Variants in VWA5B1 observed in about 807,000 individuals in gnomAD.
The protein encoded by VWA5B1 is von Willebrand factor A domain containing 5B1, also known as von Willebrand factor A domain-containing protein 5B1.
In VWA5B1, 115 loss-of-function variants were observed where a neutral mutation model predicts 118.2. That is an observed-to-expected ratio of 0.97 (90% confidence interval 0.84 to 1.14). The LOEUF is 1.14. Ranked by LOEUF, VWA5B1 falls within the 50% of genes most tolerant of loss-of-function variation. The pLI is 0.00. For synonymous variants in VWA5B1, 682 were observed against 658.4 expected (o/e 1.04, Z -0.55); for missense variants, 1,596 against 1,603.8 (o/e 1.00, Z 0.08).
At chr1:20,312,381 G>T (rs2088875201) in intron 2 of VWA5B1, among the ~76,000 whole-genome samples, 1 of 152,198 alleles carries the variant, frequency 6.6e-6, no homozygotes, top group Non-Finnish European at 1.5e-5. Flanking sequence ...GGTGCCAGGA[G>T]GCCTAGAGAA....
intron 18 of VWA5B1, 58 bp from the exon 19 acceptor site, chr1:20,350,098 G>A: frequency 6.6e-7 from 1 of 1,505,840 alleles, no homozygotes; most frequent in African/African-American, 1.4e-5. Flanking sequence ...TCTCCTGAGG[G>A]GATGGGAGGC....
chr1:20,353,747 C>CCA lies in VWA5B1; in HGVS notation c.3142-3_3142-2dup. 8 of 1,452,742 alleles carry CCA rather than the reference C, an allele frequency of 5.5e-6. No homozygotes were observed. Among genetic ancestry groups the CCA allele is most frequent in the African/African-American group, 1.4e-5 (1 of 69,842 alleles). The allele number at this position is 1,452,742 out of a possible 1,614,324, so 90.0% of individuals were successfully genotyped here. ...TTTGAGGCCCACTGAAGGGCTTCCCCCACACACAGGTGTCTCTGCAGCTGG... is the reference window on the plus strand; with the variant it reads ...TTTGAGGCCCACTGAAGGGCTTCCCCCACACACACAGGTGTCTCTGCAGCTGG... On this transcript the variant is annotated splice_polypyrimidine_tract_variant and intron_variant, in intron 21 of 21. Transcript: ENST00000289815.
chr1:20,317,832 A>T (rs2089070141), intron 5 of VWA5B1, among the ~76,000 whole-genome samples, 157 bp downstream of exon 5: 1 of 151,936 alleles, frequency 6.6e-6, no homozygotes, highest in Admixed American at 6.6e-5. Context: ...CATGGCCCCA[A>T]CAAGCAGCCC....
intron 1 of VWA5B1, among the ~76,000 whole-genome samples, chr1:20,302,910 G>A (rs1383043575): frequency 1.3e-5 from 2 of 152,172 alleles, no homozygotes; most frequent in African/African-American, 4.8e-5. Context: ...CTGGAGCATG[G>A]GGTAAATGGG....
At chr1:20,316,436 C>T (rs937852038) in intron 4 of VWA5B1, among the ~76,000 whole-genome samples, 5 of 152,068 alleles carry the variant, frequency 3.3e-5, no homozygotes, top group Non-Finnish European at 5.9e-5. Context: ...AGTTTTAAGA[C>T]GTAACACGGT....
At chr1:20,292,653 GCA>G (rs1318847247) in intron 1 of VWA5B1, among the ~76,000 whole-genome samples, 1 of 152,202 alleles carries the variant, frequency 6.6e-6, no homozygotes, top group East Asian at 1.9e-4. Flanking sequence ...GTGTGTGTGT[GCA>G]CACGTGTGCA....
At chr1:20,351,449 C>A in intron 20 of VWA5B1, among the ~76,000 whole-genome samples, 1 of 152,020 alleles carries the variant, frequency 6.6e-6, no homozygotes, top group East Asian at 1.9e-4. Flanking sequence ...GTCAGGAGTT[C>A]GAGACCAGCC....
chr1:20,328,470 G>A (rs2089453343), intron 9 of VWA5B1, among the ~76,000 whole-genome samples: 10 of 152,032 alleles, frequency 6.6e-5, no homozygotes, highest in Admixed American at 6.6e-4. Context: ...GAAACAAGAA[G>A]GCTGTGGCCC....
intron 16 of VWA5B1, among the ~76,000 whole-genome samples, chr1:20,344,925 G>A (rs2100998234): frequency 6.6e-6 from 1 of 152,276 alleles, no homozygotes; most frequent in East Asian, 1.9e-4. Context: ...CAAAGGAAAG[G>A]GATTGGGCTC....
chr1:20,300,400 C>T (rs548400744), intron 1 of VWA5B1, among the ~76,000 whole-genome samples: 1 of 152,238 alleles, frequency 6.6e-6, no homozygotes, highest in African/African-American at 2.4e-5. Flanking sequence ...GGTGCACCTC[C>T]TCTTGTTGTT....
chr1:20,323,828 G>A (rs1280165957), intron 8 of VWA5B1, among the ~76,000 whole-genome samples: 2 of 152,336 alleles, frequency 1.3e-5, no homozygotes, highest in African/African-American at 4.8e-5. Flanking sequence ...ACAGGGAAGA[G>A]GGGAAGGGAA....
At chr1:20,293,619 G>T (rs79346640) in intron 1 of VWA5B1, among the ~76,000 whole-genome samples, 3,805 of 152,324 alleles carry the variant, frequency 0.025, 61 homozygotes, top group Middle Eastern at 0.078. Flanking sequence ...AGGGGCTTGA[G>T]CAAGGCCAAG....
rs904571638 is a variant in VWA5B1 at position 20,330,361 on chromosome 1, G to A, written c.1436G>A (p.Arg479Gln). 31 of 1,551,598 alleles carry A rather than the reference G, an allele frequency of 2.0e-5. No homozygotes were observed. Among genetic ancestry groups the A allele is most frequent in the East Asian group, 1.2e-4 (5 of 40,924 alleles). Residue 479 changes from arginine (R) to glutamine (Q), a missense_variant, in exon 10 of 22, where the codon CGA becomes CAA. By Grantham distance (43) the Arg-to-Gln change is conservative. Coordinates refer to ENST00000289815, the MANE Select transcript of VWA5B1 (RefSeq NM_001039500.3). ...NNTGKVLELV[R>Q]NHAFSTRCYS... Reference sequence around the variant, plus strand: ...ACAGGGAAGGTGCTGGAGCTGGTGCGAAATCACGCCTTCTCCACCAGGTCG... The same window carrying A: ...ACAGGGAAGGTGCTGGAGCTGGTGCAAAATCACGCCTTCTCCACCAGGTCG...
At chr1:20,338,075 G>A (rs1164858016) in intron 14 of VWA5B1, 3 of 671,440 alleles carry the variant, frequency 4.5e-6, no homozygotes, top group Non-Finnish European at 8.2e-6. Flanking sequence ...AGTTGGCAAG[G>A]AACATTTGCA....
rs1570066052 is a variant in VWA5B1, at chr1:20,306,535, T to TAGTG, written c.-26-4038_-26-4037insGAGT. Among the ~76,000 whole-genome samples the TAGTG allele has an allele frequency of 2.0e-5, 3 of 152,308 alleles. No homozygotes were observed. The East Asian group carries it at 5.8e-4, about 29-fold the overall frequency. On this transcript the variant is annotated intron_variant, in intron 1 of 21. Transcript: ENST00000289815. ...TTTATTTACTGGCTGTCTCTTCCAT[T>TAGTG]AGTATCTCTACTCACGCCTGCCTGT...
rs577877210 is a variant in VWA5B1 at position 20,320,827 on chromosome 1, G to T, written c.966+1321G>T. The stretch of plus-strand genomic sequence containing the variant: ...CCTCTGAGAGGCAGATAAGGTTTCT[G>T]GAGGTGGCTTCTCTCACTGGCAGAT... On this transcript the variant is annotated intron_variant, in intron 7 of 21. Coordinates refer to ENST00000289815, the MANE Select transcript of VWA5B1 (RefSeq NM_001039500.3). 1.1e-4 allele frequency among the ~76,000 whole-genome samples: 17 copies of T among 152,316 alleles called. 1 individual carries two copies. The East Asian group carries it at 3.3e-3, about 29-fold the overall frequency.
At chr1:20,335,931 C>T (rs1314453490) in intron 12 of VWA5B1, among the ~76,000 whole-genome samples, 2 of 152,108 alleles carry the variant, frequency 1.3e-5, no homozygotes, top group Non-Finnish European at 2.9e-5. Context: ...GCAGTTAAAG[C>T]TTGTGTTGAT....
chr1:20,325,790 G>T (rs1408328609), intron 8 of VWA5B1, among the ~76,000 whole-genome samples: 1 of 152,166 alleles, frequency 6.6e-6, no homozygotes, highest in African/African-American at 2.4e-5. Flanking sequence ...TTAGAGAAAG[G>T]CACAGAAATT....
At position 20,337,816 on chromosome 1, in the gene VWA5B1, C is replaced by T. The variant is rs553545017; in HGVS notation, c.2113C>T (p.Arg705Trp). ...CAACCAGACCAGCCTGGATGTCCAG[C>T]GGTGGCAGATTGATTTGCAGGTACC... ...LTNQTSLDVQRWQIDLQPLLN... is the reference protein window; with the variant it reads ...LTNQTSLDVQWWQIDLQPLLN... The change falls in exon 14 of 22, where the codon CGG (arginine) becomes TGG (tryptophan). Residue 705 changes from arginine to tryptophan, a missense_variant. Transcript: ENST00000289815. The T allele has an allele frequency of 8.4e-6, 13 of 1,551,728 alleles. No individual in the cohort carries two copies. Among genetic ancestry groups the T allele is most frequent in the African/African-American group, 4.1e-5 (3 of 73,134 alleles).
Sources: allele counts gnomAD v4.1 joint callset (sites outside exome capture counted in the v4.1 genomes callset), GRCh38; gene constraint gnomAD v4.1.1; transcripts MANE v1.5; gene names NCBI Gene and HGNC (gene_info 2026-07-23, HGNC 2026-07-21).